The following DLGAP1 variants were observed in gnomAD, a reference collection of about 807,000 sequenced individuals.
The protein encoded by DLGAP1 is DLG associated protein 1.
Under a neutral mutation model 90.8 loss-of-function variants are expected in DLGAP1, and 11 were observed. That is an observed-to-expected ratio of 0.12 (90% CI 0.08 to 0.20). The LOEUF is 0.20. Among genes scored for constraint, DLGAP1 ranks in the 10% least tolerant of loss-of-function variants. The pLI is 1.00. For missense variants in DLGAP1, 1,050 were observed against 1,333.8 expected (o/e 0.79, Z 3.31); for synonymous variants, 558 against 540.7 (o/e 1.03, Z -0.44).
chr18:4,066,280 G>T (rs562310854), intron 2 of DLGAP1, among the ~76,000 whole-genome samples: 1 of 152,176 alleles, frequency 6.6e-6, no homozygotes, highest in East Asian at 1.9e-4. Context: ...GATGCCAAAA[G>T]CAATTGCAAC....
chr18:3,708,648 TACA>T, intron 7 of DLGAP1: 1 of 405,928 alleles, frequency 2.5e-6, no homozygotes, highest in South Asian at 1.7e-5. Flanking sequence ...GGGCACACTC[TACA>T]ACAAGAATTT....
intron 7 of DLGAP1, among the ~76,000 whole-genome samples, chr18:3,681,127 G>A (rs991401795): frequency 2.6e-5 from 4 of 152,196 alleles, no homozygotes; most frequent in African/African-American, 9.7e-5. Flanking sequence ...TTCAATGACT[G>A]TTTCCAACAC....
intron 7 of DLGAP1, among the ~76,000 whole-genome samples, chr18:3,619,798 T>C (rs551693238): frequency 1.3e-4 from 18 of 137,676 alleles, no homozygotes; most frequent in Non-Finnish European, 2.6e-4. Context: ...TTGCCGGAGT[T>C]GGTTTTTTTT....
rs1286631147 is a variant in DLGAP1, at chr18:3,766,050, G to C, written c.1173-23538C>G. Reference sequence around the variant, plus strand: ...GCCTACATACGTCAACTAAAAGGCAGAGATTTTCAGAGTGATTAAAAAACA... The same window carrying C: ...GCCTACATACGTCAACTAAAAGGCACAGATTTTCAGAGTGATTAAAAAACA... On this transcript the variant is annotated intron_variant, in intron 5 of 12. Coordinates refer to ENST00000315677, the MANE Select transcript of DLGAP1 (RefSeq NM_004746.4). 1.3e-5 allele frequency among the ~76,000 whole-genome samples: 2 copies of C among 151,862 alleles called. 1 individual carries two copies. The highest frequency in any genetic ancestry group is 4.9e-5 in the African/African-American group (2 of 41,148).
At position 4,225,179 on chromosome 18, in the gene DLGAP1, C is replaced by T. The variant is rs183443930; in HGVS notation, c.-266-73892G>A. Among the ~76,000 whole-genome samples, 259 of 152,240 alleles carry T rather than the reference C, an allele frequency of 1.7e-3. 1 individual carries two copies. Among genetic ancestry groups the T allele is most frequent in the African/African-American group, 4.7e-3 (197 of 41,542 alleles). On this transcript the variant is annotated intron_variant, in intron 1 of 12. Transcript: ENST00000315677. ...GCCAGAGGGGAATCATCCATTTCAG[C>T]GGTCAGATCTTCAAGCCTCTATGAG...
chr18:4,452,290 G>C (rs192480142), intron 1 of DLGAP1, among the ~76,000 whole-genome samples: 143 of 152,092 alleles, frequency 9.4e-4, no homozygotes, highest in Non-Finnish European at 1.8e-3. Context: ...GAAATATTAC[G>C]AGATCAGAAT....
intron 5 of DLGAP1, among the ~76,000 whole-genome samples, chr18:3,767,941 A>T (rs2064331466): frequency 6.6e-6 from 1 of 152,112 alleles, no homozygotes; most frequent in Non-Finnish European, 1.5e-5. Context: ...AATAAAAGGC[A>T]TAGAGTTGGA....
At chr18:3,628,188 C>CTTT (rs71160904) in intron 7 of DLGAP1, among the ~76,000 whole-genome samples, 1,759 of 123,632 alleles carry the variant, frequency 0.014, 59 homozygotes, top group African/African-American at 0.054. Context: ...GTGCTATATT[C>CTTT]TTTTTTTTTT....
At chr18:4,171,437 C>A (rs1226473699) in intron 1 of DLGAP1, among the ~76,000 whole-genome samples, 1 of 151,758 alleles carries the variant, frequency 6.6e-6, no homozygotes, top group Non-Finnish European at 1.5e-5. Context: ...AGGTGGCAGG[C>A]GCCTGTAGTC....
chr18:4,371,736 G>A (rs1385923228), intron 1 of DLGAP1, among the ~76,000 whole-genome samples: 1 of 124,482 alleles, frequency 8.0e-6, no homozygotes, highest in Non-Finnish European at 1.9e-5. Context: ...ATTAGTGTGA[G>A]GCAAAATGGT....
chr18:4,212,048 G>C (rs1413616033), intron 1 of DLGAP1, among the ~76,000 whole-genome samples: 1 of 152,146 alleles, frequency 6.6e-6, no homozygotes, highest in African/African-American at 2.4e-5. Context: ...CATACATACA[G>C]TTTCTTTTTG....
chr18:4,168,989 T>C (rs2076979861), intron 1 of DLGAP1, among the ~76,000 whole-genome samples: 1 of 152,246 alleles, frequency 6.6e-6, no homozygotes, highest in African/African-American at 2.4e-5. Context: ...TTGGCTATTG[T>C]GAATTAATAT....
At chr18:4,328,760 T>C (rs535199775) in intron 1 of DLGAP1, among the ~76,000 whole-genome samples, 2 of 152,116 alleles carry the variant, frequency 1.3e-5, no homozygotes, top group Admixed American at 1.3e-4. Flanking sequence ...TAGTGTCTCA[T>C]TGTGATTTCC....
In DLGAP1 at chr18:3,580,154, A is replaced by G. The variant is rs2055402839; in HGVS notation, c.1965+1721T>C. The G allele has an allele frequency of 1.3e-5, 17 of 1,272,748 alleles. No individual in the cohort carries two copies. The South Asian group carries it at 1.9e-4, about 14-fold the overall frequency. The allele number at this position is 1,272,748 out of a possible 1,614,324, so 78.8% of individuals were successfully genotyped here. A position where few individuals can be genotyped will look rare whatever the true frequency, so the allele number is the denominator to read the frequency against. On this transcript the variant is annotated intron_variant, in intron 8 of 12. Coordinates refer to ENST00000315677, the MANE Select transcript of DLGAP1 (RefSeq NM_004746.4). ...AATAATAGCTGCTAATAATGTCTAC[A>G]AAGAAAATACTTTCAGAAACCCTGA...
chr18:3,615,602 A>G (rs1366024133), intron 7 of DLGAP1, among the ~76,000 whole-genome samples: 1 of 152,114 alleles, frequency 6.6e-6, no homozygotes, highest in South Asian at 2.1e-4. Flanking sequence ...GCCGATGGAG[A>G]TGGGGGAGGC....
chr18:3,797,936 A>C (rs962866907), intron 5 of DLGAP1, among the ~76,000 whole-genome samples: 1 of 152,192 alleles, frequency 6.6e-6, no homozygotes, highest in Non-Finnish European at 1.5e-5. Flanking sequence ...GTCATTGTGA[A>C]TAAGTCTCAA....
Position 3,499,338 on chromosome 18 carries a change from C to T in DLGAP1, c.2781G>A (p.Leu927=), listed in dbSNP as rs773381554. The T allele has an allele frequency of 1.7e-4, 264 of 1,559,698 alleles. No homozygotes were observed. The highest frequency in any genetic ancestry group is 2.1e-4 in the Non-Finnish European group (242 of 1,152,926). Residue 927 remains leucine, a synonymous_variant, in exon 13 of 13, where the codon CTG becomes CTA. Transcript: ENST00000315677. This position sits in a 1 kb window ranked among gnomAD's most constrained non-coding sequence, Gnocchi z 6.4. ...AGCTCTCCAGCGAGCGCTCCCGGAT[C>T]AGCGGCGCGGGGCCCTTCGCCGGCT... ...PKKPAKGPAP[L]IRERSLESSQ... is the part of the protein sequence containing the mutation.
intron 7 of DLGAP1, among the ~76,000 whole-genome samples, chr18:3,687,340 T>G (rs1249981104): frequency 6.6e-6 from 1 of 152,218 alleles, no homozygotes; most frequent in Non-Finnish European, 1.5e-5. Flanking sequence ...TTTCTGATTA[T>G]ATGATCTAGT....
chr18:4,163,426 G>A (rs2076880146), intron 1 of DLGAP1, among the ~76,000 whole-genome samples: 1 of 152,200 alleles, frequency 6.6e-6, no homozygotes, highest in South Asian at 2.1e-4. Context: ...GTGAGGAAAA[G>A]GTGTTCCAGG....
Sources: allele counts gnomAD v4.1 joint callset (sites outside exome capture counted in the v4.1 genomes callset), GRCh38; gene constraint gnomAD v4.1.1; non-coding constraint Gnocchi (gnomAD v3.1); transcripts MANE v1.5; gene names NCBI Gene and HGNC (gene_info 2026-07-23, HGNC 2026-07-21).